Variants in OPCML observed in about 807,000 individuals in gnomAD.
OPCML encodes opioid-binding protein/cell adhesion molecule.
A neutral mutation model predicts 37.8 loss-of-function variants in OPCML; 13 were observed. The observed-to-expected ratio is 0.34, with a 90% CI of 0.22 to 0.55. The LOEUF is 0.55. Ranked by LOEUF, OPCML falls within the 20% of genes least tolerant of loss-of-function variation. OPCML has a pLI of 0.91. For synonymous variants in OPCML, 176 were observed against 168.8 expected, an observed-to-expected ratio of 1.04 and a Z score of -0.33; for missense variants, 341 against 435.6, an observed-to-expected ratio of 0.78 and a Z score of 1.93.
intron 1 of OPCML, among the ~76,000 whole-genome samples, chr11:133,387,890 A>T (rs1402978329): frequency 3.3e-5 from 5 of 152,210 alleles, no homozygotes; most frequent in Non-Finnish European, 7.3e-5. Flanking sequence ...AGAGAACTGA[A>T]TCTCTTAAGG....
At chr11:132,847,695 C>T (rs1941613210) in intron 2 of OPCML, among the ~76,000 whole-genome samples, 1 of 152,138 alleles carries the variant, frequency 6.6e-6, no homozygotes, top group Admixed American at 6.6e-5. Flanking sequence ...GGTATCTGAG[C>T]CTGAAATTAA....
At chr11:133,522,957 T>C (rs930627366) in intron 1 of OPCML, among the ~76,000 whole-genome samples, 4 of 152,190 alleles carry the variant, frequency 2.6e-5, no homozygotes, top group Non-Finnish European at 5.9e-5. Flanking sequence ...GTGGAGGTCA[T>C]ACATGCTTTG....
At chr11:133,155,734 A>G (rs1163968724) in intron 1 of OPCML, among the ~76,000 whole-genome samples, 2 of 152,162 alleles carry the variant, frequency 1.3e-5, no homozygotes, top group Non-Finnish European at 2.9e-5. Flanking sequence ...CCGCAGATTT[A>G]AATTTACACC....
rs1274786699 is a variant in OPCML at position 132,943,848 on chromosome 11, C to G, written c.62-838G>C. The G allele has an allele frequency of 6.6e-6, 1 of 150,794 alleles. No individual in the cohort carries two copies. Among genetic ancestry groups the G allele is most frequent in the Non-Finnish European group, 1.5e-5 (1 of 67,600 alleles). 9.3% of individuals were successfully genotyped at this position (150,794 alleles called of 1,614,324 possible). On this transcript the variant is annotated intron_variant, in intron 1 of 7. Transcript: ENST00000524381. This position sits in a 1 kb window ranked among gnomAD's most constrained non-coding sequence, Gnocchi z 4.3. ...ACGCGGCACGAGACGCGGGGACGCG[C>G]GGACGCCACGCTCAGCGGCCGCCCC...
intron 1 of OPCML, among the ~76,000 whole-genome samples, chr11:133,261,339 C>T (rs181053666): frequency 6.6e-6 from 1 of 152,204 alleles, no homozygotes; most frequent in African/African-American, 2.4e-5. Context: ...CCTTTAGAGA[C>T]TGGAATGTCT....
chr11:132,565,070 A>C (rs1490184892), intron 3 of OPCML, among the ~76,000 whole-genome samples: 1 of 152,186 alleles, frequency 6.6e-6, no homozygotes, highest in African/African-American at 2.4e-5. Context: ...TCTGTTATTA[A>C]ATAATCTTAA....
At chr11:132,923,702 T>C (rs992810502) in intron 2 of OPCML, among the ~76,000 whole-genome samples, 1 of 149,694 alleles carries the variant, frequency 6.7e-6, no homozygotes, top group African/African-American at 2.4e-5. Flanking sequence ...TACCTGCCTC[T>C]GTCAAACAGA....
chr11:133,338,163 T>A lies in OPCML; in HGVS notation c.61+194101A>T, dbSNP rs80286791. 1.5e-3 allele frequency among the ~76,000 whole-genome samples: 230 copies of A among 152,218 alleles called. 1 individual carries two copies. Among genetic ancestry groups the A allele is most frequent in the African/African-American group, 5.2e-3 (217 of 41,546 alleles). ...GGAAAAGGAGTTTGTTTTCTTCCAT[T>A]GAATGCAATTGTTTCAATGACAGCC... On this transcript the variant is annotated intron_variant, in intron 1 of 7. Coordinates refer to ENST00000524381, the MANE Select transcript of OPCML (RefSeq NM_001012393.5).
rs182839067 is a variant in OPCML at position 132,431,050 on chromosome 11, G to A, written c.916+5036C>T. Among the ~76,000 whole-genome samples the A allele has an allele frequency of 1.2e-3, 186 of 152,294 alleles. 1 individual carries two copies. Among genetic ancestry groups the A allele is most frequent in the African/African-American group, 4.1e-3 (171 of 41,566 alleles). ...GCCACCCCTGCTGTACTTAGGCCTG[G>A]CAAGACTTCGAGGTGCCAAGGGGCT... On this transcript the variant is annotated intron_variant, in intron 7 of 7. Transcript: ENST00000524381.
intron 1 of OPCML, among the ~76,000 whole-genome samples, chr11:133,369,591 T>A (rs1320475729): frequency 6.6e-6 from 1 of 152,190 alleles, no homozygotes; most frequent in Non-Finnish European, 1.5e-5. Flanking sequence ...TGTCACAAAG[T>A]ACAGGAGTCA....
intron 1 of OPCML, among the ~76,000 whole-genome samples, chr11:133,085,008 A>G (rs1948797542): frequency 6.6e-6 from 1 of 152,218 alleles, no homozygotes; most frequent in African/African-American, 2.4e-5. Flanking sequence ...GGACTGAAAT[A>G]TCTCATTCCT....
chr11:132,811,281 T>C (rs550737717), intron 2 of OPCML, among the ~76,000 whole-genome samples: 7 of 152,344 alleles, frequency 4.6e-5, no homozygotes, highest in African/African-American at 1.4e-4. Context: ...CGATTATTAT[T>C]AAATCCCTCT....
intron 3 of OPCML, among the ~76,000 whole-genome samples, chr11:132,576,860 C>A (rs1311856090): frequency 6.6e-6 from 1 of 152,096 alleles, no homozygotes; most frequent in African/African-American, 2.4e-5. Context: ...GTGGGTTGAG[C>A]CAGGAAAGGG....
At chr11:133,176,996 G>A (rs1253001232) in intron 1 of OPCML, among the ~76,000 whole-genome samples, 1 of 152,180 alleles carries the variant, frequency 6.6e-6, no homozygotes, top group East Asian at 1.9e-4. Flanking sequence ...CTTGTCTTCA[G>A]TGCCAGCTCA....
chr11:133,140,612 A>AGAAGAG (rs926202402), intron 1 of OPCML, among the ~76,000 whole-genome samples: 7 of 148,784 alleles, frequency 4.7e-5, no homozygotes, highest in African/African-American at 9.8e-5. Flanking sequence ...AAGAAAGAGA[A>AGAAGAG]GAAGAGGAAG....
Position 132,943,925 on chromosome 11 carries a change from G to A in OPCML, c.62-915C>T, listed in dbSNP as rs532302189. 2.0e-5 allele frequency among the ~76,000 whole-genome samples: 3 copies of A among 151,864 alleles called. No homozygotes were observed. The highest frequency in any genetic ancestry group is 2.0e-4 in the Admixed American group (3 of 15,254). On this transcript the variant is annotated intron_variant, in intron 1 of 7. Transcript: ENST00000524381. The surrounding 1 kb of genome is among the most constrained non-coding windows in gnomAD (Gnocchi z 4.3). ...GAGCAGCCCCGACGCGCGCGGGCCC[G>A]GACCGCCGGGGTTGTCATGGCAGCA...
chr11:132,632,069 A>C (rs1940169695), intron 3 of OPCML, among the ~76,000 whole-genome samples: 1 of 151,908 alleles, frequency 6.6e-6, no homozygotes, highest in African/African-American at 2.4e-5. Flanking sequence ...GGGCTGTTAA[A>C]ATGGTTTCTG....
At chr11:132,509,261 T>C (rs2096263699) in intron 4 of OPCML, among the ~76,000 whole-genome samples, 1 of 152,094 alleles carries the variant, frequency 6.6e-6, no homozygotes. Context: ...AGGTGACTGT[T>C]AAAGAGTACT....
At chr11:132,790,836 G>C (rs1197190994) in intron 2 of OPCML, among the ~76,000 whole-genome samples, 1 of 152,228 alleles carries the variant, frequency 6.6e-6, no homozygotes, top group Non-Finnish European at 1.5e-5. Flanking sequence ...TGGGAAAAGA[G>C]TAAGAACAAT....
Sources: gnomAD v4.1 joint callset for allele counts (sites outside exome capture counted in the v4.1 genomes callset) on GRCh38, gnomAD v4.1.1 for gene constraint, Gnocchi (gnomAD v3.1) non-coding constraint, MANE v1.5 for transcripts, NCBI Gene and HGNC (gene_info 2026-07-23, HGNC 2026-07-21) for gene names.